PIK3CD: variants seen among roughly 807,000 people sequenced by gnomAD.
PIK3CD encodes the protein phosphatidylinositol 4,5-bisphosphate 3-kinase catalytic subunit delta isoform.
In PIK3CD, 20 loss-of-function variants were observed where a neutral mutation model predicts 122.9. That is an observed-to-expected ratio of 0.16 (90% CI 0.11 to 0.24). PIK3CD has a LOEUF of 0.24. PIK3CD is among the 10% of genes least tolerant of loss of function. The probability of loss-of-function intolerance (pLI) is 1.00; values close to 1 mark genes in which losing one functional copy is unlikely to be tolerated. For missense variants in PIK3CD, 787 were observed against 1,406.3 expected (o/e 0.56, Z 7.04); for synonymous variants, 596 against 593.4 (o/e 1.00, Z -0.06).
intron 1 of PIK3CD, among the ~76,000 whole-genome samples, chr1:9,680,078 G>C (rs1196090022): frequency 6.6e-6 from 1 of 152,114 alleles, no homozygotes; most frequent in Non-Finnish European, 1.5e-5. Context: ...ACCCGCATTG[G>C]CATCCCAAAG....
chr1:9,659,018 TATC>T (rs1416910004), intron 1 of PIK3CD, among the ~76,000 whole-genome samples: 2 of 152,210 alleles, frequency 1.3e-5, no homozygotes, highest in Non-Finnish European at 2.9e-5. Context: ...AGAAGTCATG[TATC>T]ATCATCCCTC....
chr1:9,720,170 T>G lies in PIK3CD; in HGVS notation c.1398T>G (p.Asp466Glu). 1 of 1,613,006 alleles carries G rather than the reference T, an allele frequency of 6.2e-7. No individual in the cohort carries two copies. The highest frequency in any genetic ancestry group is 1.1e-5 in the South Asian group (1 of 91,086). ...TGTVRSNPNTDSAAALLICLP... is the reference protein window; with the variant it reads ...TGTVRSNPNTESAAALLICLP... Reference sequence around the variant, plus strand: ...CTGTGCGCAGTAACCCCAACACGGATAGCGCCGCTGCCCTGCTCATCTGCC... The same window carrying G: ...CTGTGCGCAGTAACCCCAACACGGAGAGCGCCGCTGCCCTGCTCATCTGCC... Residue 466 changes from aspartate to glutamate, a missense_variant, in exon 11 of 24, where the codon GAT (aspartate) becomes GAG (glutamate). Physicochemically the swap from Asp to Glu is conservative, Grantham distance 45. Around this residue, in one of 6 missense-constraint regions of PIK3CD, gnomAD observed 592 missense variants for 920.6 expected, o/e 0.64. Coordinates refer to ENST00000377346, the MANE Select transcript of PIK3CD (RefSeq NM_005026.5). This position sits in a 1 kb window ranked among gnomAD's most constrained non-coding sequence, Gnocchi z 9.0.
At chr1:9,651,375 AC>A (rs910029930), upstream of PIK3CD, among the ~76,000 whole-genome samples, 1 of 151,828 alleles carries the variant, frequency 6.6e-6, no homozygotes, top group African/African-American at 2.4e-5. Context: ...GCTGCAGGTT[AC>A]CCCCTCTTCT....
chr1:9,637,732 C>A, the PIK3CD span, among the ~76,000 whole-genome samples: 3 of 152,158 alleles, frequency 2.0e-5, no homozygotes, highest in South Asian at 4.1e-4. Context: ...AAATATATTT[C>A]TTTGCATATT....
intron 1 of PIK3CD, among the ~76,000 whole-genome samples, chr1:9,680,401 GAAGTTCAAGA>G (rs910328443): frequency 1.6e-4 from 24 of 151,918 alleles, no homozygotes; most frequent in African/African-American, 5.6e-4. Flanking sequence ...CTTGAGCCTA[GAAGTTCAAGA>G]CCAGCCTGGG....
chr1:9,645,081 A>T, the PIK3CD span, among the ~76,000 whole-genome samples: 7 of 140,620 alleles, frequency 5.0e-5, no homozygotes, highest in Non-Finnish European at 7.5e-5. Context: ...GCTGGAGTGC[A>T]GTGGCGCAAC....
chr1:9,716,506 A>G lies in PIK3CD; in HGVS notation c.667A>G (p.Lys223Glu). ...PLALMACALR[K>E]KATVFRQPLV... ...GGCGCTGATGGCCTGTGCCCTGCGG[A>G]AGAAGGCCACAGTGTTCCGGCAGCC... Residue 223 changes from lysine (K) to glutamate (E), a missense_variant, in exon 6 of 24, where the codon AAG becomes GAG. Transcript: ENST00000377346. The G allele has an allele frequency of 6.2e-7, 1 of 1,610,908 alleles. No homozygotes were observed. The highest frequency in any genetic ancestry group is 2.2e-5 in the East Asian group (1 of 44,868).
At chr1:9,640,238 T>A in the PIK3CD span, among the ~76,000 whole-genome samples, 1 of 152,088 alleles carries the variant, frequency 6.6e-6, no homozygotes, top group Non-Finnish European at 1.5e-5. Context: ...GAATTGCCAG[T>A]TTCCCCAGGG....
chr1:9,717,749 G>C lies in PIK3CD; in HGVS notation c.1020+123G>C. The C allele has an allele frequency of 1.1e-6, 1 of 903,736 alleles. No homozygotes were observed. Among genetic ancestry groups the C allele is most frequent in the Non-Finnish European group, 1.8e-6 (1 of 563,414 alleles). The allele number at this position is 903,736 out of a possible 1,614,324, so 56.0% of individuals were successfully genotyped here. ...GAAAGCCACCTGACCACATTACCCA[G>C]CATCCCTGCCTGGGGCGCTGTGAGC... On this transcript the variant is annotated intron_variant, in intron 8 of 23. Transcript: ENST00000377346. This position sits in a 1 kb window ranked among gnomAD's most constrained non-coding sequence, Gnocchi z 5.4.
At chr1:9,638,600 C>G in the PIK3CD span, among the ~76,000 whole-genome samples, 1 of 151,116 alleles carries the variant, frequency 6.6e-6, no homozygotes. Context: ...GGTGTGGTGG[C>G]GGGCGCCTGT....
intron 5 of PIK3CD, 166 bp from the exon 6 acceptor site, chr1:9,716,274 G>A (rs1217576188): frequency 7.7e-5 from 63 of 813,564 alleles, no homozygotes; most frequent in South Asian, 4.4e-4. Flanking sequence ...ACCAAGTGGC[G>A]TGGGGCATTG....
intron 5 of PIK3CD, 70 bp from the exon 6 acceptor site, chr1:9,716,370 A>C (rs895845075): frequency 1.3e-6 from 2 of 1,486,308 alleles, no homozygotes; most frequent in Non-Finnish European, 1.9e-6. Flanking sequence ...GCAAATAGGC[A>C]ACCCTGCCCT....
intron 1 of PIK3CD, 27 bp from the exon 2 acceptor site, chr1:9,691,440 T>C (rs908286383): frequency 1.8e-5 from 7 of 397,924 alleles, no homozygotes; most frequent in Non-Finnish European, 3.1e-5. Flanking sequence ...TAGTTTTCTT[T>C]CTTTCTTTCT....
At chr1:9,628,099 T>TTGAGACCAGCC in the PIK3CD span, among the ~76,000 whole-genome samples, 1 of 151,972 alleles carries the variant, frequency 6.6e-6, no homozygotes, top group East Asian at 1.9e-4. Context: ...GGTCACCAGT[T>TTGAGACCAGCC]TGAGACCAGC....
At position 9,722,177 on chromosome 1, in the gene PIK3CD, G is replaced by T; in HGVS notation, c.2234+24G>T. The T allele has an allele frequency of 6.2e-7, 1 of 1,612,486 alleles. No homozygotes were observed. The highest frequency in any genetic ancestry group is 8.5e-7 in the Non-Finnish European group (1 of 1,179,582). ...TGGTGAGCCCAAGCCCCGCCACAAG[G>T]GTTCCTCCCACCCCTGGGAGGCCGG... is the stretch of plus-strand genomic sequence containing the variant. On this transcript the variant is annotated intron_variant, in intron 17 of 23. Transcript: ENST00000377346. This position sits in a 1 kb window ranked among gnomAD's most constrained non-coding sequence, Gnocchi z 7.6.
chr1:9,673,458 A>G (rs1645400632), intron 1 of PIK3CD, among the ~76,000 whole-genome samples: 1 of 151,734 alleles, frequency 6.6e-6, no homozygotes, highest in Admixed American at 6.6e-5. Flanking sequence ...ATTGGTTTTC[A>G]CTATGTTGTT....
intron 23 of PIK3CD, 141 bp from the exon 24 acceptor site, chr1:9,726,768 G>A (rs1444996785): frequency 2.9e-5 from 31 of 1,067,516 alleles, no homozygotes; most frequent in Admixed American, 6.4e-5. Context: ...GGGTGGGAGC[G>A]GAATAGAGAG....
chr1:9,703,445 A>T (rs989731692), intron 2 of PIK3CD, among the ~76,000 whole-genome samples: 2 of 149,250 alleles, frequency 1.3e-5, no homozygotes, highest in Non-Finnish European at 3.0e-5. Flanking sequence ...CTCCCAGATT[A>T]AAAAAAAAAC....
At chr1:9,667,056 G>A (rs952616362) in intron 1 of PIK3CD, among the ~76,000 whole-genome samples, 2 of 152,080 alleles carry the variant, frequency 1.3e-5, no homozygotes, top group African/African-American at 4.8e-5. Context: ...TAGATACGGG[G>A]TTTCACCATG....
Sources: allele counts gnomAD v4.1 joint callset (sites outside exome capture counted in the v4.1 genomes callset), GRCh38; gene constraint gnomAD v4.1.1; regional missense constraint gnomAD v4.1.1; non-coding constraint Gnocchi (gnomAD v3.1); transcripts MANE v1.5; gene names NCBI Gene and HGNC (gene_info 2026-07-23, HGNC 2026-07-21).